The following TMEM116 variants were observed in gnomAD, a reference collection of about 807,000 sequenced individuals.
TMEM116 encodes transmembrane protein 116.
A neutral mutation model predicts 44.3 loss-of-function variants in TMEM116; 38 were observed. The ratio of observed to expected loss-of-function variants is 0.86; its 90% CI spans 0.66 to 1.12. The LOEUF (loss-of-function observed/expected upper bound fraction) is 1.12, where lower values mean the gene tolerates loss of function less well. TMEM116 is among the 50% of genes most tolerant of loss of function. The pLI, the probability that TMEM116 is intolerant of heterozygous loss-of-function variation, is 0.00. For missense variants in TMEM116, 354 were observed against 401.7 expected (o/e 0.88, Z 1.01); for synonymous variants, 132 against 144.8 (o/e 0.91, Z 0.64).
intron 4 of TMEM116, among the ~76,000 whole-genome samples, chr12:111,975,992 T>C (rs903631103): frequency 1.3e-5 from 2 of 152,028 alleles, no homozygotes; most frequent in African/African-American, 4.8e-5. Context: ...AGTTTTTTTG[T>C]TTTGTTTTGT....
intron 5 of TMEM116, among the ~76,000 whole-genome samples, chr12:111,939,932 G>A (rs1227276427): frequency 7.7e-6 from 1 of 129,292 alleles, no homozygotes; most frequent in East Asian, 2.8e-4. Context: ...GTGTGTGTGT[G>A]TGTATGGAGC....
intron 4 of TMEM116, among the ~76,000 whole-genome samples, chr12:111,970,170 T>G (rs1593454819): frequency 6.6e-6 from 1 of 151,618 alleles, no homozygotes; most frequent in African/African-American, 2.4e-5. Flanking sequence ...TCCTAGATAC[T>G]TGGGAGGCTG....
chr12:111,979,286 C>T (rs1293461262), intron 4 of TMEM116, among the ~76,000 whole-genome samples: 1 of 151,790 alleles, frequency 6.6e-6, no homozygotes, highest in Non-Finnish European at 1.5e-5. Flanking sequence ...TATATATATA[C>T]ACAATAGAAT....
intron 3 of TMEM116, 101 bp downstream of exon 3, chr12:112,003,699 A>C (rs2077411404): frequency 7.0e-7 from 1 of 1,430,248 alleles, no homozygotes; most frequent in Non-Finnish European, 9.1e-7. Context: ...TTTAAAAGTA[A>C]TTCATAGAAT....
At chr12:112,005,880 T>A (rs762680864) in intron 1 of TMEM116, 10 of 955,392 alleles carry the variant, frequency 1.0e-5, no homozygotes, top group Non-Finnish European at 1.2e-5. Context: ...AGATTGTGAG[T>A]GAAAAATGCA....
chr12:111,986,983 G>C (rs1379692355), intron 4 of TMEM116, among the ~76,000 whole-genome samples: 1 of 152,064 alleles, frequency 6.6e-6, no homozygotes, highest in Non-Finnish European at 1.5e-5. Flanking sequence ...CATAATGTTG[G>C]ATTTGAAAAT....
At chr12:111,995,648 G>A (rs1203513473) in intron 3 of TMEM116, among the ~76,000 whole-genome samples, 3 of 152,092 alleles carry the variant, frequency 2.0e-5, no homozygotes, top group Non-Finnish European at 4.4e-5. Context: ...TGAGGCAGGA[G>A]AATCATTTGA....
intron 4 of TMEM116, among the ~76,000 whole-genome samples, chr12:111,969,580 C>T (rs1278497473): frequency 1.3e-5 from 2 of 151,142 alleles, no homozygotes; most frequent in African/African-American, 4.9e-5. Flanking sequence ...GCTAATTTTT[C>T]TGTTGTTTTT....
intron 5 of TMEM116, among the ~76,000 whole-genome samples, chr12:111,939,480 G>A (rs1002644479): frequency 2.7e-5 from 4 of 149,096 alleles, no homozygotes; most frequent in African/African-American, 9.9e-5. Context: ...AAAGTTTATG[G>A]CAGAAGTCTT....
chr12:111,974,232 A>C (rs1292356406), intron 4 of TMEM116, among the ~76,000 whole-genome samples: 1 of 152,174 alleles, frequency 6.6e-6, no homozygotes, highest in Non-Finnish European at 1.5e-5. Flanking sequence ...CATTACACTT[A>C]AGGTGAAAGA....
At chr12:111,986,549 C>T (rs146374571) in intron 4 of TMEM116, among the ~76,000 whole-genome samples, 4,248 of 152,238 alleles carry the variant, frequency 0.028, 81 homozygotes, top group Non-Finnish European at 0.045. Context: ...GTGGCTCACG[C>T]CTGTAATCCC....
chr12:111,968,907 C>A (rs1314962061), intron 4 of TMEM116, among the ~76,000 whole-genome samples: 1 of 147,224 alleles, frequency 6.8e-6, no homozygotes, highest in Non-Finnish European at 1.5e-5. Flanking sequence ...ACAGGAGAAT[C>A]GCTTCAACTC....
chr12:112,013,036 C>T lies in TMEM116; in HGVS notation c.-68G>A. 1 of 164,204 alleles carries T rather than the reference C, an allele frequency of 6.1e-6. No individual in the cohort carries two copies. The allele number at this position is 164,204 out of a possible 1,614,324, so 10.2% of individuals were successfully genotyped here. A position where few individuals can be genotyped will look rare whatever the true frequency, so the allele number is the denominator to read the frequency against. On this transcript the variant is annotated 5_prime_UTR_variant, in exon 1 of 11. Transcript: ENST00000552374. ...GAGCGGGTCCCAACCAACTGCCTGA[C>T]GGCCCAAAGGCAGGAAGAAACGATG...
At position 111,999,034 on chromosome 12, in the gene TMEM116, C is replaced by T. The variant is rs149740997; in HGVS notation, c.78+4766G>A. On this transcript the variant is annotated intron_variant, in intron 3 of 10. Coordinates refer to ENST00000552374, the MANE Select transcript of TMEM116 (RefSeq NM_001193531.2). ...TGAAATCAAGAAAAATTCTACCCCT[C>T]CTATGTATAACAAGGCATTATTTTG... Among the ~76,000 whole-genome samples the T allele has an allele frequency of 2.2e-3, 336 of 152,094 alleles. 1 individual carries two copies. The highest frequency in any genetic ancestry group is 6.8e-3 in the Middle Eastern group (2 of 292).
chr12:111,955,020 T>C (rs73426371), intron 4 of TMEM116, among the ~76,000 whole-genome samples: 279 of 152,330 alleles, frequency 1.8e-3, no homozygotes, highest in African/African-American at 6.2e-3. Flanking sequence ...AGCCAGATTC[T>C]CTTATCCAGT....
At chr12:111,946,244 G>C (rs1386683893) in intron 4 of TMEM116, among the ~76,000 whole-genome samples, 1 of 152,286 alleles carries the variant, frequency 6.6e-6, no homozygotes, top group African/African-American at 2.4e-5. Context: ...CCCTAACCCA[G>C]TGGTGCTAGA....
chr12:111,988,067 G>A lies in TMEM116; in HGVS notation c.210+3691C>T, dbSNP rs141458003. Among the ~76,000 whole-genome samples the A allele has an allele frequency of 8.7e-4, 132 of 152,216 alleles. 1 individual carries two copies. In the East Asian group the frequency reaches 0.017, roughly 20 times the overall value. On this transcript the variant is annotated intron_variant, in intron 4 of 10. Coordinates refer to ENST00000552374, the MANE Select transcript of TMEM116 (RefSeq NM_001193531.2). ...AAAGACATGCTAAGTGAAATAAGCC[G>A]GACACAAAAGGACAAATATTATATG...
chr12:112,000,862 A>C, intron 3 of TMEM116: 1 of 458,370 alleles, frequency 2.2e-6, no homozygotes. Flanking sequence ...TCCTCCCCGA[A>C]TCCACCAATT....
At chr12:111,989,219 C>T (rs1169732898) in intron 4 of TMEM116, among the ~76,000 whole-genome samples, 1 of 152,136 alleles carries the variant, frequency 6.6e-6, no homozygotes, top group Non-Finnish European at 1.5e-5. Context: ...CCTCTCTTTT[C>T]TCTTAGTTTT....
Sources: gnomAD v4.1 joint callset for allele counts (sites outside exome capture counted in the v4.1 genomes callset) on GRCh38, gnomAD v4.1.1 for gene constraint, MANE v1.5 for transcripts, NCBI Gene and HGNC (gene_info 2026-07-23, HGNC 2026-07-21) for gene names.